Variants in PTPRG observed in about 807,000 individuals in gnomAD.
The protein encoded by PTPRG is protein tyrosine phosphatase receptor type G.
A neutral mutation model predicts 165.3 loss-of-function variants in PTPRG; 102 were observed. That is an observed-to-expected ratio of 0.62 (90% CI 0.53 to 0.73). The LOEUF (loss-of-function observed/expected upper bound fraction) is 0.73. PTPRG is among the 30% of genes least tolerant of loss of function. PTPRG has a pLI of 0.00. For synonymous variants in PTPRG, 675 were observed against 669.5 expected (o/e 1.01, Z -0.13); for missense variants, 1,866 against 1,861.4 (o/e 1.00, Z -0.05).
intron 4 of PTPRG, among the ~76,000 whole-genome samples, chr3:62,025,214 T>G (rs1374371772): frequency 6.6e-6 from 1 of 152,236 alleles, no homozygotes; most frequent in Non-Finnish European, 1.5e-5. Context: ...AGAAATGAAC[T>G]AATTGTTAAA....
At chr3:62,187,176 G>A (rs573059024) in intron 8 of PTPRG, among the ~76,000 whole-genome samples, 49 of 152,336 alleles carry the variant, frequency 3.2e-4, no homozygotes, top group Admixed American at 1.2e-3. Flanking sequence ...ATTACAGATC[G>A]TCAATGAAGT....
At chr3:61,988,215 C>T (rs193077911) in intron 2 of PTPRG, among the ~76,000 whole-genome samples, 21 of 152,196 alleles carry the variant, frequency 1.4e-4, no homozygotes, top group East Asian at 7.7e-4. Context: ...AGTGAGGCTG[C>T]GGTATTTTCC....
chr3:61,694,620 A>G (rs148652998), intron 1 of PTPRG, among the ~76,000 whole-genome samples: 43 of 152,232 alleles, frequency 2.8e-4, no homozygotes, highest in African/African-American at 9.9e-4. Context: ...TAGTTATTGC[A>G]GCAACGATTG....
chr3:61,749,536 A>G (rs969628421), intron 2 of PTPRG: 1 of 192,256 alleles, frequency 5.2e-6, no homozygotes, highest in Non-Finnish European at 1.1e-5. Flanking sequence ...GGGAGAGAGC[A>G]TTGTTCTAAC....
At chr3:61,858,953 C>G (rs1185684644) in intron 2 of PTPRG, among the ~76,000 whole-genome samples, 4 of 151,936 alleles carry the variant, frequency 2.6e-5, no homozygotes, top group African/African-American at 9.7e-5. Flanking sequence ...GAGTAAATAG[C>G]ACTTCCAATG....
chr3:61,914,222 AG>A lies in PTPRG; in HGVS notation c.191-75400del, dbSNP rs1490798630. 2.0e-5 allele frequency among the ~76,000 whole-genome samples: 3 copies of A among 152,290 alleles called. No homozygotes were observed. In the East Asian group the frequency reaches 5.8e-4, roughly 29 times the overall value. ...TTTGACCTACGTTTCCTGTTTGGAA[AG>A]GGTTAATTACACTTGACTTAAGCGT... On this transcript the variant is annotated intron_variant, in intron 2 of 29. Transcript: ENST00000474889.
chr3:62,271,463 A>T lies in PTPRG; in HGVS notation c.3090A>T (p.Gly1030=), dbSNP rs1232566528. Residue 1030 remains glycine (G), a synonymous_variant, in exon 21 of 30, where the codon GGA becomes GGT. Coordinates refer to ENST00000474889, the MANE Select transcript of PTPRG (RefSeq NM_002841.4). This position sits in a 1 kb window ranked among gnomAD's most constrained non-coding sequence, Gnocchi z 4.1. Reference sequence around the variant, plus strand: ...ACTATACACAGTGGCCTGACATGGGAGTTCCCGAGTATGCCCTTCCAGTAC... The same window carrying T: ...ACTATACACAGTGGCCTGACATGGGTGTTCCCGAGTATGCCCTTCCAGTAC... ...QYHYTQWPDM[G]VPEYALPVLT... The T allele has an allele frequency of 1.2e-6, 2 of 1,613,922 alleles. No homozygotes were observed. The highest frequency in any genetic ancestry group is 2.2e-5 in the South Asian group (2 of 91,070).
chr3:61,981,978 A>T (rs1334762115), intron 2 of PTPRG, among the ~76,000 whole-genome samples: 1 of 152,188 alleles, frequency 6.6e-6, no homozygotes, highest in Non-Finnish European at 1.5e-5. Context: ...CATGCAAGGT[A>T]AATCTTACTT....
chr3:61,903,956 G>A (rs1354673791), intron 2 of PTPRG, among the ~76,000 whole-genome samples: 1 of 152,088 alleles, frequency 6.6e-6, no homozygotes, highest in African/African-American at 2.4e-5. Context: ...TTTCTGGACT[G>A]ACTTAAACTT....
intron 2 of PTPRG, among the ~76,000 whole-genome samples, chr3:61,962,118 G>T (rs2040166174): frequency 6.6e-6 from 1 of 152,262 alleles, no homozygotes; most frequent in Admixed American, 6.5e-5. Flanking sequence ...GACACCTTAA[G>T]CTCACTTAAG....
At chr3:61,604,655 A>C (rs1400510280) in intron 1 of PTPRG, among the ~76,000 whole-genome samples, 1 of 152,166 alleles carries the variant, frequency 6.6e-6, no homozygotes, top group African/African-American at 2.4e-5. Flanking sequence ...TGTCCTGGCT[A>C]ACAAGTAGCA....
chr3:61,946,819 G>T (rs73842156), intron 2 of PTPRG, among the ~76,000 whole-genome samples: 7,325 of 152,260 alleles, frequency 0.048, 525 homozygotes, highest in African/African-American at 0.16. Flanking sequence ...TAGAGCATGA[G>T]CTTGTTCTTA....
At chr3:61,801,389 G>A (rs902520632) in intron 2 of PTPRG, among the ~76,000 whole-genome samples, 22 of 151,008 alleles carry the variant, frequency 1.5e-4, no homozygotes, top group Non-Finnish European at 4.4e-5. Flanking sequence ...GCTCATTGCA[G>A]CCTCAACCTC....
chr3:61,795,309 A>G (rs2035010361), intron 2 of PTPRG, among the ~76,000 whole-genome samples: 1 of 152,144 alleles, frequency 6.6e-6, no homozygotes, highest in South Asian at 2.1e-4. Context: ...GTCAAGAAGT[A>G]GTAACCTCAC....
rs780253886 is a variant in PTPRG at position 62,267,707 on chromosome 3, A to T, written c.2762A>T (p.Tyr921Phe). The change falls in exon 19 of 30, where the codon TAC (tyrosine) becomes TTC (phenylalanine). Residue 921 changes from tyrosine to phenylalanine, a missense_variant. This residue lies in a region of PTPRG where 1,452 missense variants were observed against 1,463.0 expected (regional missense o/e 0.99). Transcript: ENST00000474889. ...AAGGGTTACAACAAAGCAAAAGCCT[A>T]CATTGCCACCCAAGGACCTTTGAAG... The part of the protein sequence containing the change: ...YVDGYNKAKA[Y>F]IATQGPLKST... 52 of 1,613,202 alleles carry T rather than the reference A, an allele frequency of 3.2e-5. No individual in the cohort carries two copies. The highest frequency in any genetic ancestry group is 1.6e-4 in the Middle Eastern group (1 of 6,080).
At chr3:62,281,829 T>C (rs939566052) in intron 27 of PTPRG, 120 bp downstream of exon 27, 9 of 982,056 alleles carry the variant, frequency 9.2e-6, no homozygotes, top group Non-Finnish European at 1.3e-5. Flanking sequence ...TAAGACTTAA[T>C]TTTAAATATG....
At chr3:61,648,243 G>A (rs1210639159) in intron 1 of PTPRG, among the ~76,000 whole-genome samples, 12 of 152,196 alleles carry the variant, frequency 7.9e-5, no homozygotes, top group African/African-American at 2.4e-4. Flanking sequence ...TTGTCCATTC[G>A]TTACCCAGGC....
At chr3:61,931,093 C>G (rs1381539626) in intron 2 of PTPRG, among the ~76,000 whole-genome samples, 1 of 152,094 alleles carries the variant, frequency 6.6e-6, no homozygotes, top group Non-Finnish European at 1.5e-5. Flanking sequence ...CTCCTTCCTG[C>G]CCGTGGGCCA....
intron 5 of PTPRG, among the ~76,000 whole-genome samples, chr3:62,092,560 G>A (rs1455449096): frequency 6.6e-6 from 1 of 151,784 alleles, no homozygotes; most frequent in African/African-American, 2.4e-5. Flanking sequence ...GCTTGGTGAA[G>A]AAAATGGACT....
Sources: allele counts gnomAD v4.1 joint callset (sites outside exome capture counted in the v4.1 genomes callset), GRCh38; gene constraint gnomAD v4.1.1; regional missense constraint gnomAD v4.1.1; non-coding constraint Gnocchi (gnomAD v3.1); transcripts MANE v1.5; gene names NCBI Gene and HGNC (gene_info 2026-07-23, HGNC 2026-07-21).